CSMD1: variants seen among roughly 807,000 people sequenced by gnomAD.
The protein encoded by CSMD1 is CUB and Sushi multiple domains 1.
CSMD1 carries 213 observed loss-of-function variants against 417.5 expected under a neutral mutation model. The ratio of observed to expected loss-of-function variants is 0.51; its 90% CI spans 0.46 to 0.57. CSMD1 has a LOEUF of 0.57. Among genes scored for constraint, CSMD1 ranks in the 20% least tolerant of loss-of-function variants. The pLI, the probability that CSMD1 is intolerant of heterozygous loss-of-function variation, is 0.00. For synonymous variants in CSMD1, 2,862 were observed against 1,736.8 expected (o/e 1.65, Z -16.11); for missense variants, 6,923 against 4,529.7 (o/e 1.53, Z -15.17).
At chr8:3,740,951 C>G (rs1796769977) in intron 6 of CSMD1, among the ~76,000 whole-genome samples, 1 of 151,912 alleles carries the variant, frequency 6.6e-6, no homozygotes, top group African/African-American at 2.4e-5. Context: ...GGTAGTGGCT[C>G]ACACCTGTAA....
intron 1 of CSMD1, among the ~76,000 whole-genome samples, chr8:4,900,638 A>T (rs1159561392): frequency 1.3e-5 from 2 of 152,140 alleles, no homozygotes; most frequent in East Asian, 3.9e-4. Context: ...CTGTTCATCC[A>T]GCTCCTGTAC....
chr8:4,651,798 T>C (rs1803914066), intron 1 of CSMD1, among the ~76,000 whole-genome samples: 1 of 152,202 alleles, frequency 6.6e-6, no homozygotes, highest in African/African-American at 2.4e-5. Flanking sequence ...TTATTAGGGG[T>C]GACCTAATTT....
At chr8:3,515,988 G>A (rs903263902) in intron 10 of CSMD1, among the ~76,000 whole-genome samples, 2 of 152,148 alleles carry the variant, frequency 1.3e-5, no homozygotes, top group African/African-American at 4.8e-5. Context: ...TGTTCTAAAG[G>A]TTTAAAATTA....
At chr8:3,556,779 C>G (rs1270180681) in intron 10 of CSMD1, among the ~76,000 whole-genome samples, 1 of 152,152 alleles carries the variant, frequency 6.6e-6, no homozygotes, top group Non-Finnish European at 1.5e-5. Context: ...AGCCTCTGAT[C>G]ATAGAAAGAC....
chr8:4,341,305 G>C (rs1800463199), intron 3 of CSMD1, among the ~76,000 whole-genome samples: 1 of 152,046 alleles, frequency 6.6e-6, no homozygotes, highest in Admixed American at 6.6e-5. Context: ...AATATATTAA[G>C]CAATCAATCA....
At chr8:3,613,785 G>A (rs1486927458) in intron 8 of CSMD1, among the ~76,000 whole-genome samples, 4 of 150,712 alleles carry the variant, frequency 2.7e-5, no homozygotes, top group African/African-American at 4.9e-5. Flanking sequence ...CTGATAAAGG[G>A]CATCTATGAA....
chr8:4,354,655 A>ACT (rs1044880833), intron 3 of CSMD1, among the ~76,000 whole-genome samples: 36 of 152,236 alleles, frequency 2.4e-4, no homozygotes, highest in Non-Finnish European at 4.4e-4. Flanking sequence ...ATGAACATCT[A>ACT]TGCAGAATTT....
intron 1 of CSMD1, among the ~76,000 whole-genome samples, chr8:4,737,640 G>T (rs954152294): frequency 6.6e-6 from 1 of 152,154 alleles, no homozygotes; most frequent in African/African-American, 2.4e-5. Flanking sequence ...TTTACCAAAT[G>T]GTTGAGATAA....
At chr8:3,977,397 A>C (rs1813516904) in intron 5 of CSMD1, among the ~76,000 whole-genome samples, 1 of 152,178 alleles carries the variant, frequency 6.6e-6, no homozygotes, top group Admixed American at 6.5e-5. Context: ...AGAAATTTCT[A>C]AAGGTTTTGT....
At chr8:3,867,364 T>C (rs1805175904) in intron 5 of CSMD1, among the ~76,000 whole-genome samples, 1 of 152,188 alleles carries the variant, frequency 6.6e-6, no homozygotes, top group Non-Finnish European at 1.5e-5. Flanking sequence ...GTCTCTTCTA[T>C]TGAACTTTAT....
chr8:3,117,660 G>A (rs1816949925), intron 42 of CSMD1, among the ~76,000 whole-genome samples: 1 of 152,108 alleles, frequency 6.6e-6, no homozygotes, highest in Admixed American at 6.5e-5. Flanking sequence ...AAATGTCAAA[G>A]TCATCATAAA....
chr8:3,203,448 G>T (rs1797097295), intron 31 of CSMD1, among the ~76,000 whole-genome samples: 1 of 152,210 alleles, frequency 6.6e-6, no homozygotes, highest in South Asian at 2.1e-4. Context: ...TGGGGCTTCA[G>T]CCGCGGGAAC....
At chr8:3,470,972 T>C (rs575191514) in intron 11 of CSMD1, among the ~76,000 whole-genome samples, 1 of 151,984 alleles carries the variant, frequency 6.6e-6, no homozygotes, top group African/African-American at 2.4e-5. Flanking sequence ...CACCTAAAGC[T>C]GCTTTGAATA....
At position 4,685,071 on chromosome 8, in the gene CSMD1, C is replaced by T. The variant is rs569994254; in HGVS notation, c.86-47513G>A. On this transcript the variant is annotated intron_variant, in intron 1 of 69. Coordinates refer to ENST00000635120, the MANE Select transcript of CSMD1 (RefSeq NM_033225.6). ...ATTCTTCTGACCCTTACCCAGTTAT[C>T]GAGCAACTCCAACATATTTACTGCC... Among the ~76,000 whole-genome samples the T allele has an allele frequency of 5.9e-5, 9 of 152,254 alleles. No individual in the cohort carries two copies. In the East Asian group the frequency reaches 9.6e-4, roughly 16 times the overall value.
chr8:3,096,444 C>G (rs1313898507), intron 47 of CSMD1, among the ~76,000 whole-genome samples: 1 of 152,092 alleles, frequency 6.6e-6, no homozygotes, highest in Non-Finnish European at 1.5e-5. Flanking sequence ...CAAGTTCTCT[C>G]TCATGTGCGT....
intron 3 of CSMD1, among the ~76,000 whole-genome samples, chr8:4,090,420 G>C (rs999051175): frequency 6.6e-6 from 1 of 152,058 alleles, no homozygotes; most frequent in Non-Finnish European, 1.5e-5. Context: ...CCCTAGTCTT[G>C]ATTGGACGTG....
chr8:3,717,139 C>T (rs935754175), intron 6 of CSMD1, among the ~76,000 whole-genome samples: 3 of 152,148 alleles, frequency 2.0e-5, no homozygotes, highest in African/African-American at 7.2e-5. Context: ...TTTAACCACA[C>T]CTTACACTTA....
At chr8:4,290,244 G>C (rs1026785224) in intron 3 of CSMD1, among the ~76,000 whole-genome samples, 3 of 152,190 alleles carry the variant, frequency 2.0e-5, no homozygotes, top group Admixed American at 6.5e-5. Context: ...CATGTGTTTA[G>C]GCCCGAGGGT....
At chr8:3,699,882 G>GTTGCATCCCTGGGTTATATCCCATAA (rs1800755026) in intron 7 of CSMD1, among the ~76,000 whole-genome samples, 3 of 143,988 alleles carry the variant, frequency 2.1e-5, no homozygotes, top group South Asian at 4.5e-4. Context: ...ATATCCCATA[G>GTTGCATCCCTGGGTTATATCCCATAA]CTACATCCCT....
Sources: allele counts gnomAD v4.1 joint callset (sites outside exome capture counted in the v4.1 genomes callset), GRCh38; gene constraint gnomAD v4.1.1; transcripts MANE v1.5; gene names NCBI Gene and HGNC (gene_info 2026-07-23, HGNC 2026-07-21).